The following ERC2 variants were observed in gnomAD, a reference collection of about 807,000 sequenced individuals.
The protein encoded by ERC2 is ERC protein 2.
Under a neutral mutation model 114.8 loss-of-function variants are expected in ERC2, and 42 were observed. That is an observed-to-expected ratio of 0.37 (90% CI 0.29 to 0.47). The LOEUF is 0.47. Among genes scored for constraint, ERC2 ranks in the 20% least tolerant of loss-of-function variants. ERC2 has a pLI of 0.99. For missense variants in ERC2, 939 were observed against 1,150.7 expected, an observed-to-expected ratio of 0.82 and a Z score of 2.66; for synonymous variants, 454 against 425.5, an observed-to-expected ratio of 1.07 and a Z score of -0.82.
intron 15 of ERC2, among the ~76,000 whole-genome samples, chr3:55,701,541 G>T (rs185853397): frequency 1.3e-5 from 2 of 151,856 alleles, no homozygotes; most frequent in South Asian, 2.1e-4. Context: ...GCCCCAAAGT[G>T]AATGTTAAAA....
At chr3:56,432,969 T>C (rs1189578715) in intron 2 of ERC2, among the ~76,000 whole-genome samples, 2 of 151,166 alleles carry the variant, frequency 1.3e-5, no homozygotes, top group Non-Finnish European at 2.9e-5. Context: ...AAGCCAGGAG[T>C]TCAAGACCGG....
chr3:55,779,652 C>T (rs2068886063), intron 14 of ERC2, among the ~76,000 whole-genome samples: 1 of 152,068 alleles, frequency 6.6e-6, no homozygotes, highest in Non-Finnish European at 1.5e-5. Context: ...AAAAAAAACC[C>T]CAGCAGCACA....
intron 17 of ERC2, among the ~76,000 whole-genome samples, chr3:55,553,011 A>ATTTTTTGTTTTTT (rs2055327369): frequency 1.8e-5 from 1 of 55,202 alleles, no homozygotes; most frequent in Admixed American, 2.6e-4. Context: ...GGGCTTCCAG[A>ATTTTTTGTTTTTT]TTTTTTTTTT....
chr3:55,698,206 G>A lies in ERC2; in HGVS notation c.2847+1172C>T, dbSNP rs142139112. On this transcript the variant is annotated intron_variant, in intron 16 of 17. Transcript: ENST00000288221. The stretch of plus-strand genomic sequence containing the variant: ...ACACCTTCAGCAATGTTGGGGTCTC[G>A]GAGGGCAAAAGCTTCCAGGTACAAA... Among the ~76,000 whole-genome samples, 752 of 152,016 alleles carry A rather than the reference G, an allele frequency of 4.9e-3. 4 individuals carry two copies. The highest frequency in any genetic ancestry group is 0.017 in the African/African-American group (707 of 41,446).
chr3:56,438,519 A>C (rs75480518), intron 1 of ERC2, among the ~76,000 whole-genome samples: 2,538 of 152,200 alleles, frequency 0.017, 29 homozygotes, highest in Non-Finnish European at 0.024. Flanking sequence ...CCTGGACTGA[A>C]CCTCTGGTGT....
At chr3:55,615,975 A>G (rs1034962855) in intron 17 of ERC2, among the ~76,000 whole-genome samples, 4 of 152,320 alleles carry the variant, frequency 2.6e-5, no homozygotes, top group African/African-American at 7.2e-5. Context: ...GAGTCTTCCA[A>G]CGACAAACTC....
At chr3:56,303,297 T>C (rs1384095270) in intron 2 of ERC2, among the ~76,000 whole-genome samples, 4 of 152,210 alleles carry the variant, frequency 2.6e-5, no homozygotes, top group Non-Finnish European at 5.9e-5. Context: ...TTGCATACTT[T>C]AAAGTCTCCC....
intron 16 of ERC2, among the ~76,000 whole-genome samples, chr3:55,687,462 T>C (rs1230267347): frequency 6.6e-6 from 1 of 152,080 alleles, no homozygotes; most frequent in Non-Finnish European, 1.5e-5. Context: ...AAGTTCCTAA[T>C]GGGGATCTTA....
chr3:55,970,204 A>C (rs1176195356), intron 12 of ERC2, among the ~76,000 whole-genome samples: 4 of 152,218 alleles, frequency 2.6e-5, no homozygotes, highest in Non-Finnish European at 5.9e-5. Flanking sequence ...ATTTGTAAAC[A>C]ACATGTTTAA....
At chr3:55,570,384 G>A (rs1376630808) in intron 17 of ERC2, among the ~76,000 whole-genome samples, 1 of 152,148 alleles carries the variant, frequency 6.6e-6, no homozygotes, top group Non-Finnish European at 1.5e-5. Flanking sequence ...CCAGAAGAGA[G>A]GCGAAGTCCA....
At chr3:55,832,371 C>T (rs1304505675) in intron 14 of ERC2, among the ~76,000 whole-genome samples, 6 of 152,222 alleles carry the variant, frequency 3.9e-5, no homozygotes, top group African/African-American at 1.4e-4. Context: ...TAGGGGCAGA[C>T]TGACACTTCA....
intron 3 of ERC2, among the ~76,000 whole-genome samples, chr3:56,285,032 TACAC>T (rs10575135): frequency 0.018 from 1,888 of 106,670 alleles, 22 homozygotes; most frequent in African/African-American, 0.034. Context: ...CACACACACA[TACAC>T]ACACACACAC....
intron 3 of ERC2, among the ~76,000 whole-genome samples, chr3:56,294,739 G>A (rs1156997921): frequency 6.6e-6 from 1 of 152,212 alleles, no homozygotes; most frequent in Admixed American, 6.5e-5. Flanking sequence ...ATATAATGGT[G>A]TGAATTCCAA....
chr3:56,191,039 G>T (rs2150069239), intron 3 of ERC2, among the ~76,000 whole-genome samples: 1 of 152,312 alleles, frequency 6.6e-6, no homozygotes, highest in South Asian at 2.1e-4. Context: ...TAGTCACAAA[G>T]AGAGGTTGCT....
intron 17 of ERC2, among the ~76,000 whole-genome samples, chr3:55,532,961 A>G (rs1386100365): frequency 6.6e-6 from 1 of 152,122 alleles, no homozygotes; most frequent in Non-Finnish European, 1.5e-5. Flanking sequence ...ACAAACAAAA[A>G]CTGCCTGAAA....
intron 4 of ERC2, among the ~76,000 whole-genome samples, chr3:56,165,787 C>A (rs964051438): frequency 6.6e-6 from 1 of 151,816 alleles, no homozygotes; most frequent in African/African-American, 2.4e-5. Flanking sequence ...ACTGGCCAGC[C>A]ATTTGGCTAA....
At position 56,401,089 on chromosome 3, in the gene ERC2, C is replaced by G. The variant is rs554561047; in HGVS notation, c.657+33262G>C. On this transcript the variant is annotated intron_variant, in intron 2 of 17. Transcript: ENST00000288221. ...AATGCCTAGGGAAACAGTCTGTGAACTTTTCTAGCTCTACTTGAACCTATG... is the reference window on the plus strand; with the variant it reads ...AATGCCTAGGGAAACAGTCTGTGAAGTTTTCTAGCTCTACTTGAACCTATG... 4.5e-4 allele frequency among the ~76,000 whole-genome samples: 69 copies of G among 152,322 alleles called. No individual in the cohort carries two copies. In the South Asian group the frequency reaches 0.011, roughly 25 times the overall value.
intron 13 of ERC2, among the ~76,000 whole-genome samples, chr3:55,934,214 T>G (rs1274456000): frequency 6.6e-6 from 1 of 152,212 alleles, no homozygotes. Flanking sequence ...ACATAAATCT[T>G]GCATTTTTCT....
chr3:56,108,420 C>CGTTATA (rs1409686798), intron 6 of ERC2, among the ~76,000 whole-genome samples: 1 of 151,800 alleles, frequency 6.6e-6, no homozygotes, highest in Non-Finnish European at 1.5e-5. Flanking sequence ...TATTATTTGC[C>CGTTATA]TTAACATATA....
Sources: allele counts gnomAD v4.1 joint callset (sites outside exome capture counted in the v4.1 genomes callset), GRCh38; gene constraint gnomAD v4.1.1; transcripts MANE v1.5; gene names NCBI Gene and HGNC (gene_info 2026-07-23, HGNC 2026-07-21).